The following ZMAT5 variants were observed in gnomAD, a reference collection of about 807,000 sequenced individuals.
The protein encoded by ZMAT5 is zinc finger matrin-type 5.
Under a neutral mutation model 28.0 loss-of-function variants are expected in ZMAT5, and 23 were observed. That is an observed-to-expected ratio of 0.82 (90% CI 0.59 to 1.16). ZMAT5 has a LOEUF of 1.16. Among genes scored for constraint, ZMAT5 ranks in the 50% most tolerant of loss-of-function variants. The pLI is 0.00. For missense variants in ZMAT5, 173 were observed against 212.7 expected, an observed-to-expected ratio of 0.81 and a Z score of 1.16; for synonymous variants, 76 against 84.1, an observed-to-expected ratio of 0.90 and a Z score of 0.52.
intron 5 of ZMAT5, chr22:29,731,788 A>G (rs984374053): frequency 2.0e-5 from 3 of 153,690 alleles, no homozygotes; most frequent in Admixed American, 6.5e-5. Context: ...TTAAAAATAT[A>G]TAAAATATAT....
chr22:29,738,055 G>A (rs558259818), intron 5 of ZMAT5, among the ~76,000 whole-genome samples: 1 of 152,218 alleles, frequency 6.6e-6, no homozygotes, highest in East Asian at 1.9e-4. Flanking sequence ...ACGGACTTGT[G>A]ACTTGCAGCC....
chr22:29,753,653 C>T (rs763046477), intron 1 of ZMAT5, among the ~76,000 whole-genome samples: 38 of 152,156 alleles, frequency 2.5e-4, no homozygotes, highest in Non-Finnish European at 5.0e-4. Context: ...CGAACCACTG[C>T]TCTCCAGCCT....
At chr22:29,743,241 C>T (rs2067979761) in intron 2 of ZMAT5, among the ~76,000 whole-genome samples, 1 of 152,166 alleles carries the variant, frequency 6.6e-6, no homozygotes, top group South Asian at 2.1e-4. Flanking sequence ...ACCAGCCAAT[C>T]CCAGGATCCA....
intron 1 of ZMAT5, among the ~76,000 whole-genome samples, chr22:29,749,701 AT>A (rs2068040344): frequency 6.6e-6 from 1 of 152,090 alleles, no homozygotes; most frequent in Non-Finnish European, 1.5e-5. Flanking sequence ...AATCCCCATA[AT>A]CCCCAGGTGT....
At chr22:29,733,427 C>CCATG (rs1246629224) in intron 5 of ZMAT5, among the ~76,000 whole-genome samples, 1 of 152,230 alleles carries the variant, frequency 6.6e-6, no homozygotes, top group African/African-American at 2.4e-5. Context: ...ACCAGACCTG[C>CCATG]CATGCAGAGT....
intron 5 of ZMAT5, among the ~76,000 whole-genome samples, chr22:29,735,124 G>C (rs1436473828): frequency 6.6e-6 from 1 of 152,204 alleles, no homozygotes; most frequent in African/African-American, 2.4e-5. Flanking sequence ...AGGGTAGGGG[G>C]TGTGGATGCA....
At chr22:29,737,244 G>A (rs543942331) in intron 5 of ZMAT5, among the ~76,000 whole-genome samples, 46 of 151,746 alleles carry the variant, frequency 3.0e-4, no homozygotes, top group Non-Finnish European at 6.0e-4. Flanking sequence ...CAGAAGAATC[G>A]CTTGAACCCA....
At chr22:29,733,899 G>A (rs957683685) in intron 5 of ZMAT5, among the ~76,000 whole-genome samples, 4 of 152,228 alleles carry the variant, frequency 2.6e-5, no homozygotes, top group African/African-American at 7.2e-5. Flanking sequence ...CCCCAGACAC[G>A]TGAGCCAAAG....
At chr22:29,765,502 T>C (rs544942241) in intron 1 of ZMAT5, among the ~76,000 whole-genome samples, 10 of 151,884 alleles carry the variant, frequency 6.6e-5, no homozygotes, top group South Asian at 2.1e-4. Flanking sequence ...ATCTGCTAGC[T>C]TGCTCTGTCT....
chr22:29,740,910 G>A (rs2067956307), intron 3 of ZMAT5, among the ~76,000 whole-genome samples, 180 bp from the exon 4 acceptor site: 3 of 152,180 alleles, frequency 2.0e-5, no homozygotes, highest in Non-Finnish European at 4.4e-5. Flanking sequence ...CAGCCAGAGC[G>A]ACTTCTCACC....
At chr22:29,765,051 G>A (rs1374212183) in intron 1 of ZMAT5, among the ~76,000 whole-genome samples, 1 of 152,166 alleles carries the variant, frequency 6.6e-6, no homozygotes, top group African/African-American at 2.4e-5. Context: ...CTTGATGTCT[G>A]TTGGCTAGCT....
chr22:29,747,164 C>G (rs1346367101), intron 2 of ZMAT5: 1 of 152,172 alleles, frequency 6.6e-6, no homozygotes, highest in Non-Finnish European at 1.5e-5. Context: ...TCCTAACCTG[C>G]AGCCGGAGTT....
chr22:29,735,530 A>G (rs1019143256), intron 5 of ZMAT5, among the ~76,000 whole-genome samples: 2 of 152,234 alleles, frequency 1.3e-5, no homozygotes, highest in African/African-American at 2.4e-5. Flanking sequence ...CCACAGCCAC[A>G]CAGAGCCTTG....
rs532103713 is a variant in ZMAT5 at position 29,759,021 on chromosome 22, C to G, written c.-28+7851G>C. Reference sequence around the variant, plus strand: ...AATAGAGCAGACATTCCCCTCACCCCCTGGATGAAGACTGACAAGGCAAAC... The same window carrying G: ...AATAGAGCAGACATTCCCCTCACCCGCTGGATGAAGACTGACAAGGCAAAC... On this transcript the variant is annotated intron_variant, in intron 1 of 5. Transcript: ENST00000344318. Among the ~76,000 whole-genome samples the G allele has an allele frequency of 7.2e-5, 11 of 152,266 alleles. No homozygotes were observed. In the East Asian group the frequency reaches 1.5e-3, roughly 21 times the overall value.
chr22:29,744,856 G>T (rs2067995408), intron 2 of ZMAT5, among the ~76,000 whole-genome samples: 1 of 152,236 alleles, frequency 6.6e-6, no homozygotes, highest in African/African-American at 2.4e-5. Context: ...TGTACTCAGG[G>T]TTGAGAACCC....
chr22:29,740,004 G>A (rs1356858452), intron 4 of ZMAT5, among the ~76,000 whole-genome samples: 1 of 152,252 alleles, frequency 6.6e-6, no homozygotes, highest in Non-Finnish European at 1.5e-5. Flanking sequence ...GAGACCTGGA[G>A]TCTGCCCCCA....
At position 29,731,716 on chromosome 22, in the gene ZMAT5, CTG is replaced by C. The variant is rs554978830; in HGVS notation, c.384-364_384-363del. On this transcript the variant is annotated intron_variant, in intron 5 of 5. Coordinates refer to ENST00000344318, the MANE Select transcript of ZMAT5 (RefSeq NM_001003692.2). ...ATATGCACTGATGAGGAAAGACATA[CTG>C]TGTGATAGGGAGAAAAAGCAGCTTA... The C allele has an allele frequency of 1.1e-3, 230 of 212,350 alleles. 2 individuals are homozygous for C. Among genetic ancestry groups the C allele is most frequent in the African/African-American group, 5.3e-3 (223 of 42,456 alleles). 13.2% of individuals were successfully genotyped at this position (212,350 alleles called of 1,614,324 possible).
chr22:29,733,816 T>C (rs2067877538), intron 5 of ZMAT5, among the ~76,000 whole-genome samples: 1 of 152,218 alleles, frequency 6.6e-6, no homozygotes, highest in Non-Finnish European at 1.5e-5. Flanking sequence ...CCCGTGCCCC[T>C]GCCTGCCCTG....
Position 29,738,289 on chromosome 22 carries a change from C to T in ZMAT5, c.383+41G>A, listed in dbSNP as rs764394598. Reference sequence around the variant, plus strand: ...AGGGGAAGGCGGGCTGGGGTTTTGCCCCCAGGGGGCACAGCGGGAGGGAAC... The same window carrying T: ...AGGGGAAGGCGGGCTGGGGTTTTGCTCCCAGGGGGCACAGCGGGAGGGAAC... On this transcript the variant is annotated intron_variant, in intron 5 of 5. Coordinates refer to ENST00000344318, the MANE Select transcript of ZMAT5 (RefSeq NM_001003692.2). 11 of 1,578,246 alleles carry T rather than the reference C, an allele frequency of 7.0e-6. No individual in the cohort carries two copies. The Admixed American group carries it at 8.4e-5, about 12-fold the overall frequency.
Sources: allele counts gnomAD v4.1 joint callset (sites outside exome capture counted in the v4.1 genomes callset), GRCh38; gene constraint gnomAD v4.1.1; transcripts MANE v1.5; gene names NCBI Gene and HGNC (gene_info 2026-07-23, HGNC 2026-07-21).